ADGRV1: variants seen among roughly 807,000 people sequenced by gnomAD.
ADGRV1 encodes adhesion G protein-coupled receptor V1, also known as G-protein coupled receptor 98.
Under a neutral mutation model 596.2 loss-of-function variants are expected in ADGRV1, and 359 were observed. The ratio of observed to expected loss-of-function variants is 0.60; its 90% confidence interval spans 0.55 to 0.66. The LOEUF (loss-of-function observed/expected upper bound fraction) is 0.66. Ranked by LOEUF, ADGRV1 falls within the 30% of genes least tolerant of loss-of-function variation. The pLI is 0.00. For synonymous variants in ADGRV1, 2,681 were observed against 2,679.2 expected, an observed-to-expected ratio of 1.00 and a Z score of -0.02; for missense variants, 7,274 against 7,575.6, an observed-to-expected ratio of 0.96 and a Z score of 1.48.
At chr5:90,713,431 G>T (rs6886668) in intron 42 of ADGRV1, among the ~76,000 whole-genome samples, 17,961 of 151,706 alleles carry the variant, frequency 0.12, 3,084 homozygotes, top group African/African-American at 0.38. Flanking sequence ...ACATAGTGGG[G>T]TGGTAAAGCG....
chr5:90,848,678 C>A lies in ADGRV1; in HGVS notation c.17061C>A (p.Ser5687Arg). 6.4e-7 allele frequency: 1 copy of A among 1,562,208 alleles called. No individual in the cohort carries two copies. The highest frequency in any genetic ancestry group is 8.6e-7 in the Non-Finnish European group (1 of 1,158,688). The change falls in exon 79 of 90, where the codon AGC becomes AGA. Residue 5687 changes from serine to arginine, a missense_variant. Physicochemically the swap from Ser to Arg is moderately radical, Grantham distance 110. Around this residue, in one of 5 missense-constraint regions of ADGRV1, gnomAD observed 1,874 missense variants for 1,970.2 expected, o/e 0.95. Coordinates refer to ENST00000405460, the MANE Select transcript of ADGRV1 (RefSeq NM_032119.4). Reference protein sequence around the residue: ...EGKIQAFSVASRTLFYEILCS... With the variant: ...EGKIQAFSVARRTLFYEILCS... ...AAATTCAAGCTTTCAGTGTTGCCAG[C>A]CGAACTCTTTTCTATGAGATTCTTT...
At chr5:90,985,735 A>T (rs930248894) in intron 85 of ADGRV1, among the ~76,000 whole-genome samples, 3 of 152,208 alleles carry the variant, frequency 2.0e-5, no homozygotes, top group Admixed American at 2.0e-4. Context: ...GAGTTGGTGT[A>T]TCAAACAGTT....
At chr5:90,980,438 A>G (rs1383111775) in intron 84 of ADGRV1, among the ~76,000 whole-genome samples, 1 of 152,222 alleles carries the variant, frequency 6.6e-6, no homozygotes, top group Non-Finnish European at 1.5e-5. Context: ...TGAAATGTAG[A>G]AACAGTCAAG....
intron 85 of ADGRV1, among the ~76,000 whole-genome samples, chr5:90,999,891 A>G (rs1781720947): frequency 6.6e-6 from 1 of 152,128 alleles, no homozygotes; most frequent in Non-Finnish European, 1.5e-5. Flanking sequence ...AAGAAAAACC[A>G]TTCCTGGCTC....
At chr5:91,049,972 T>A (rs1436311412) in intron 85 of ADGRV1, among the ~76,000 whole-genome samples, 1 of 152,212 alleles carries the variant, frequency 6.6e-6, no homozygotes, top group Non-Finnish European at 1.5e-5. Context: ...AGTTATCTAA[T>A]GCAACTGTTC....
chr5:91,116,981 G>A (rs1372849641), intron 87 of ADGRV1, among the ~76,000 whole-genome samples: 1 of 152,122 alleles, frequency 6.6e-6, no homozygotes, highest in Non-Finnish European at 1.5e-5. Context: ...ACGCAGAGGA[G>A]TACTATGCAG....
At chr5:90,740,311 T>C (rs1276754463) in intron 50 of ADGRV1, among the ~76,000 whole-genome samples, 1 of 152,100 alleles carries the variant, frequency 6.6e-6, no homozygotes, top group African/African-American at 2.4e-5. Flanking sequence ...GGTCAGATGC[T>C]CCCTCTGTGA....
chr5:90,768,969 G>T (rs972547395), intron 59 of ADGRV1, among the ~76,000 whole-genome samples: 2 of 152,134 alleles, frequency 1.3e-5, no homozygotes, highest in African/African-American at 2.4e-5. Context: ...TTTGAAATGG[G>T]ACTGACCCTT....
At chr5:91,035,738 T>C (rs1784804937) in intron 85 of ADGRV1, among the ~76,000 whole-genome samples, 1 of 150,708 alleles carries the variant, frequency 6.6e-6, no homozygotes, top group African/African-American at 2.4e-5. Context: ...TTAGACAAGT[T>C]ATTTAACCCC....
chr5:90,841,168 G>A (rs570601451), intron 78 of ADGRV1, among the ~76,000 whole-genome samples, 183 bp downstream of exon 78: 4 of 152,230 alleles, frequency 2.6e-5, no homozygotes, highest in South Asian at 2.1e-4. Context: ...GGATATGACT[G>A]ATGCCTCTTT....
intron 21 of ADGRV1, among the ~76,000 whole-genome samples, chr5:90,659,975 T>C (rs1770010523): frequency 6.6e-6 from 1 of 151,326 alleles, no homozygotes; most frequent in African/African-American, 2.4e-5. Context: ...GAGCTTGCAG[T>C]GAGCCGAGAT....
intron 70 of ADGRV1, among the ~76,000 whole-genome samples, chr5:90,800,436 G>A (rs1561759921): frequency 6.6e-6 from 1 of 152,172 alleles, no homozygotes; most frequent in East Asian, 1.9e-4. Flanking sequence ...AGATGCTGGA[G>A]AGGATGTGGA....
chr5:90,773,313 G>A (rs1056072030), intron 59 of ADGRV1, among the ~76,000 whole-genome samples: 1 of 152,010 alleles, frequency 6.6e-6, no homozygotes, highest in Non-Finnish European at 1.5e-5. Flanking sequence ...AGATCGAAAT[G>A]GGCTAATAAA....
intron 39 of ADGRV1, among the ~76,000 whole-genome samples, 165 bp from the exon 40 acceptor site, chr5:90,710,816 T>G (rs1341131558): frequency 6.6e-6 from 1 of 152,220 alleles, no homozygotes; most frequent in Non-Finnish European, 1.5e-5. Flanking sequence ...TATTCAGACG[T>G]GATAAGCATT....
At chr5:91,131,464 G>A (rs578099384) in intron 87 of ADGRV1, among the ~76,000 whole-genome samples, 6 of 140,052 alleles carry the variant, frequency 4.3e-5, no homozygotes, top group East Asian at 2.0e-4. Flanking sequence ...TGTTGTTGCT[G>A]TTTTGAGATG....
intron 50 of ADGRV1, among the ~76,000 whole-genome samples, chr5:90,730,796 G>A (rs1206180493): frequency 6.6e-6 from 1 of 152,190 alleles, no homozygotes; most frequent in African/African-American, 2.4e-5. Flanking sequence ...GACACAGACA[G>A]TGGGTCATCA....
intron 33 of ADGRV1, among the ~76,000 whole-genome samples, chr5:90,694,950 A>G (rs993249580): frequency 2.6e-5 from 4 of 152,184 alleles, no homozygotes; most frequent in Non-Finnish European, 5.9e-5. Flanking sequence ...TGTGAATTTT[A>G]TCCCTTTATG....
At chr5:90,870,079 G>A (rs1407542352) in intron 83 of ADGRV1, among the ~76,000 whole-genome samples, 2 of 152,162 alleles carry the variant, frequency 1.3e-5, no homozygotes, top group Non-Finnish European at 2.9e-5. Flanking sequence ...TTTTGAGCAT[G>A]AGGGGTTTAA....
At chr5:90,684,334 C>T (rs1745330633) in intron 28 of ADGRV1, 139 bp downstream of exon 28, 5 of 791,604 alleles carry the variant, frequency 6.3e-6, no homozygotes, top group Non-Finnish European at 9.4e-6. Flanking sequence ...AACAGTTTAC[C>T]TGTAAGGTAA....
Sources: gnomAD v4.1 joint callset for allele counts (sites outside exome capture counted in the v4.1 genomes callset) on GRCh38, gnomAD v4.1.1 for gene constraint, gnomAD v4.1.1 regional missense constraint, MANE v1.5 for transcripts, NCBI Gene and HGNC (gene_info 2026-07-23, HGNC 2026-07-21) for gene names.